CA10: variants seen among roughly 807,000 people sequenced by gnomAD.
CA10 encodes the protein carbonic anhydrase-related protein 10.
CA10 carries 14 observed loss-of-function variants against 44.2 expected under a neutral mutation model. The observed-to-expected ratio is 0.32, with a 90% confidence interval of 0.21 to 0.50. The LOEUF is 0.50. Among genes scored for constraint, CA10 ranks in the 20% least tolerant of loss-of-function variants. CA10 has a pLI of 0.99. For synonymous variants in CA10, 159 were observed against 141.6 expected (o/e 1.12, Z -0.87); for missense variants, 350 against 409.7 (o/e 0.85, Z 1.26).
chr17:52,022,074 A>C (rs7206998), intron 2 of CA10, among the ~76,000 whole-genome samples: 87,334 of 151,948 alleles, frequency 0.57, 25,935 homozygotes, highest in African/African-American at 0.7. Context: ...GTGAAAATCA[A>C]GGAGGAGAGA....
intron 2 of CA10, among the ~76,000 whole-genome samples, chr17:51,945,389 T>C (rs1983235408): frequency 1.3e-5 from 2 of 152,230 alleles, no homozygotes; most frequent in South Asian, 2.1e-4. Flanking sequence ...TCCTGTCTCA[T>C]TGAAGAAAAA....
At chr17:51,838,696 T>C (rs866261626) in intron 3 of CA10, among the ~76,000 whole-genome samples, 1 of 152,234 alleles carries the variant, frequency 6.6e-6, no homozygotes, top group Non-Finnish European at 1.5e-5. Context: ...CCTTCCCCTT[T>C]ACATAGCAAA....
chr17:52,017,455 A>G (rs1986004051), intron 2 of CA10, among the ~76,000 whole-genome samples: 1 of 152,120 alleles, frequency 6.6e-6, no homozygotes, highest in Non-Finnish European at 1.5e-5. Flanking sequence ...GTGCTAGCAA[A>G]TAACTTAGCT....
chr17:51,794,216 T>C (rs1042834187), intron 3 of CA10, among the ~76,000 whole-genome samples: 1 of 152,256 alleles, frequency 6.6e-6, no homozygotes, highest in Non-Finnish European at 1.5e-5. Context: ...TCTGGTTCCA[T>C]TGTGAACAAC....
chr17:52,007,885 G>A (rs755091904), intron 2 of CA10, among the ~76,000 whole-genome samples: 8 of 151,472 alleles, frequency 5.3e-5, no homozygotes, highest in East Asian at 2.0e-4. Context: ...CTACTGGTTC[G>A]TTTTGGTTTC....
intron 4 of CA10, among the ~76,000 whole-genome samples, chr17:51,658,877 G>A (rs1182856397): frequency 6.6e-6 from 1 of 152,158 alleles, no homozygotes; most frequent in Non-Finnish European, 1.5e-5. Flanking sequence ...TCACATTCAA[G>A]CACATGCTAT....
At chr17:51,766,594 T>G (rs1238549282) in intron 3 of CA10, among the ~76,000 whole-genome samples, 1 of 152,154 alleles carries the variant, frequency 6.6e-6, no homozygotes, top group Admixed American at 6.5e-5. Context: ...AATCTATCTA[T>G]TTGCAGGGAA....
chr17:51,736,436 C>A (rs1441966986), intron 4 of CA10, among the ~76,000 whole-genome samples: 2 of 152,196 alleles, frequency 1.3e-5, no homozygotes, highest in Admixed American at 1.3e-4. Context: ...AAAGCAGACA[C>A]AATTACTTGA....
chr17:52,039,212 CTGAG>C (rs1349379329), intron 2 of CA10, among the ~76,000 whole-genome samples: 3 of 152,082 alleles, frequency 2.0e-5, no homozygotes, highest in Admixed American at 6.6e-5. Context: ...AAATTTCTCT[CTGAG>C]TATTATTATT....
chr17:51,962,796 T>C (rs756806178), intron 2 of CA10, among the ~76,000 whole-genome samples: 1 of 152,002 alleles, frequency 6.6e-6, no homozygotes, highest in East Asian at 1.9e-4. Flanking sequence ...GTTAAATAAT[T>C]ATAAAAATTA....
intron 4 of CA10, among the ~76,000 whole-genome samples, chr17:51,676,707 T>C (rs1003975245): frequency 6.6e-6 from 1 of 152,192 alleles, no homozygotes; most frequent in Non-Finnish European, 1.5e-5. Context: ...CAGTGAATCA[T>C]ATGCAACACT....
intron 3 of CA10, among the ~76,000 whole-genome samples, chr17:51,881,793 G>A (rs1334521136): frequency 2.0e-5 from 3 of 152,116 alleles, no homozygotes; most frequent in Non-Finnish European, 4.4e-5. Flanking sequence ...TGGGAGGTGG[G>A]TAGGAACGGA....
intron 2 of CA10, among the ~76,000 whole-genome samples, chr17:52,028,421 A>C (rs1416555739): frequency 2.6e-5 from 4 of 152,188 alleles, no homozygotes; most frequent in South Asian, 2.1e-4. Context: ...TTATTAAAAA[A>C]CTTCAAAACA....
intron 2 of CA10, among the ~76,000 whole-genome samples, chr17:52,005,192 C>G (rs1390090043): frequency 6.6e-6 from 1 of 151,832 alleles, no homozygotes; most frequent in Non-Finnish European, 1.5e-5. Flanking sequence ...CCTTTAGGAC[C>G]TTAATGATTC....
chr17:51,631,870 A>G (rs1220621405), intron 8 of CA10, among the ~76,000 whole-genome samples: 3 of 152,222 alleles, frequency 2.0e-5, no homozygotes, highest in Non-Finnish European at 4.4e-5. Context: ...TAGTTGCATC[A>G]TTGTACTAGT....
chr17:52,084,674 A>G (rs912457216), intron 1 of CA10, among the ~76,000 whole-genome samples: 2 of 152,144 alleles, frequency 1.3e-5, no homozygotes, highest in African/African-American at 2.4e-5. Flanking sequence ...GAATACTGCT[A>G]TTTTCCAGGA....
At chr17:51,760,095 G>C (rs1380954590) in intron 3 of CA10, among the ~76,000 whole-genome samples, 1 of 152,190 alleles carries the variant, frequency 6.6e-6, no homozygotes, top group Non-Finnish European at 1.5e-5. Context: ...TCTCCAAAGA[G>C]GAAAATGCCT....
intron 4 of CA10, among the ~76,000 whole-genome samples, chr17:51,731,370 C>G (rs1300576854): frequency 6.6e-6 from 1 of 151,742 alleles, no homozygotes; most frequent in African/African-American, 2.4e-5. Flanking sequence ...GACGAGACTC[C>G]GTCTCAAGAA....
In CA10 at chr17:51,857,739, C is replaced by T. The variant is rs192598921; in HGVS notation, c.279+73251G>A. ...GGAAATAGAACAGAGTCTATCTTTA[C>T]GATCTGAATGACATAAGAGACAGTG... On this transcript the variant is annotated intron_variant, in intron 3 of 8. Coordinates refer to ENST00000451037, the MANE Select transcript of CA10 (RefSeq NM_020178.5). Among the ~76,000 whole-genome samples the T allele has an allele frequency of 1.9e-3, 293 of 152,276 alleles. 1 individual carries two copies. Among genetic ancestry groups the T allele is most frequent in the African/African-American group, 6.4e-3 (266 of 41,536 alleles).
Sources: allele counts gnomAD v4.1 joint callset (sites outside exome capture counted in the v4.1 genomes callset), GRCh38; gene constraint gnomAD v4.1.1; transcripts MANE v1.5; gene names NCBI Gene and HGNC (gene_info 2026-07-23, HGNC 2026-07-21).